Variants in RTL9 observed in about 807,000 individuals in gnomAD.
The protein encoded by RTL9 is retrotransposon Gag like 9, also known as retrotransposon Gag-like protein 9.
Under a neutral mutation model 44.7 loss-of-function variants are expected in RTL9, and 19 were observed. That is an observed-to-expected ratio of 0.42 (90% CI 0.30 to 0.62). RTL9 has a LOEUF of 0.62. Among genes scored for constraint, RTL9 ranks in the 20% least tolerant of loss-of-function variants. RTL9 has a pLI of 0.16. For missense variants in RTL9, 1,105 were observed against 1,080.6 expected, an observed-to-expected ratio of 1.02 and a Z score of -0.32; for synonymous variants, 407 against 398.9, an observed-to-expected ratio of 1.02 and a Z score of -0.24.
intron 1 of RTL9, among the ~76,000 whole-genome samples, chrX:110,359,188 T>C (rs764064866): frequency 3.2e-4 from 36 of 111,460 alleles, no homozygotes; most frequent in Admixed American, 3.0e-3. Flanking sequence ...GGCTGTGTTA[T>C]ACTGCTTCGC....
intron 1 of RTL9, among the ~76,000 whole-genome samples, chrX:110,380,308 T>C (rs182974783): frequency 9.0e-6 from 1 of 110,538 alleles, no homozygotes; most frequent in Non-Finnish European, 1.9e-5. Flanking sequence ...AACAATATAA[T>C]CAGAGAGCCA....
chrX:110,363,588 T>C (rs970428230), intron 1 of RTL9, among the ~76,000 whole-genome samples: 1 of 111,772 alleles, frequency 8.9e-6, no homozygotes, highest in African/African-American at 3.3e-5. Flanking sequence ...TACAAACAAG[T>C]TATTTGACCA....
At chrX:110,428,291 C>T (rs1288630276) in intron 1 of RTL9, among the ~76,000 whole-genome samples, 1 of 111,658 alleles carries the variant, frequency 9.0e-6, no homozygotes, top group African/African-American at 3.3e-5. Flanking sequence ...TGATCCTAGC[C>T]CTTAGCACAC....
At chrX:110,380,862 A>G (rs1397529762) in intron 1 of RTL9, among the ~76,000 whole-genome samples, 1 of 112,675 alleles carries the variant, frequency 8.9e-6, no homozygotes, top group African/African-American at 3.2e-5. Context: ...TTTCTATTCA[A>G]TAAATGGTGC....
chrX:110,439,526 T>A (rs1251207153), intron 1 of RTL9, among the ~76,000 whole-genome samples: 1 of 112,142 alleles, frequency 8.9e-6, no homozygotes, highest in Non-Finnish European at 1.9e-5. Flanking sequence ...GTGCTCACAA[T>A]AATAGCTGTG....
chrX:110,415,428 T>C (rs1411330264), upstream of RTL9, among the ~76,000 whole-genome samples: 1 of 112,024 alleles, frequency 8.9e-6, no homozygotes, highest in Non-Finnish European at 1.9e-5. Flanking sequence ...GATGCTTTTT[T>C]CCCCATTTTC....
At chrX:110,445,425 T>G in intron 2 of RTL9, among the ~76,000 whole-genome samples, 157 bp downstream of exon 2, 1 of 111,894 alleles carries the variant, frequency 8.9e-6, no homozygotes, top group Admixed American at 9.5e-5. Context: ...ACTCAGTAAA[T>G]GCTAGCTATT....
At chrX:110,430,586 T>A (rs1232670072) in intron 1 of RTL9, among the ~76,000 whole-genome samples, 1 of 111,450 alleles carries the variant, frequency 9.0e-6, no homozygotes, top group African/African-American at 3.3e-5. Context: ...ACAGAAGCAA[T>A]AGAGTGGAAA....
At chrX:110,452,142 G>A (rs753624399) in exon 1 of RTL9, 2 of 1,211,895 alleles carry the variant, frequency 1.7e-6, no homozygotes, top group Admixed American at 4.3e-5. Flanking sequence ...AACTTCTGGA[G>A]CAATGTCCAC....
chrX:110,391,904 T>G (rs1464908457), intron 1 of RTL9, among the ~76,000 whole-genome samples: 1 of 112,129 alleles, frequency 8.9e-6, no homozygotes, highest in African/African-American at 3.2e-5. Context: ...TGTCAAAGGC[T>G]TAAAAAAATG....
At chrX:110,441,321 C>T (rs1198845229) in intron 1 of RTL9, among the ~76,000 whole-genome samples, 3 of 111,938 alleles carry the variant, frequency 2.7e-5, no homozygotes, top group African/African-American at 9.8e-5. Flanking sequence ...TTCAAAGGTC[C>T]CTGATTGGTA....
intron 1 of RTL9, among the ~76,000 whole-genome samples, chrX:110,426,310 C>T (rs2068753863): frequency 9.0e-6 from 1 of 111,648 alleles, no homozygotes; most frequent in Non-Finnish European, 1.9e-5. Context: ...TCTTGTCGAA[C>T]CCTCCCACGA....
At chrX:110,380,362 TTAAA>T (rs1387370935) in intron 1 of RTL9, among the ~76,000 whole-genome samples, 1 of 110,953 alleles carries the variant, frequency 9.0e-6, no homozygotes, top group Non-Finnish European at 1.9e-5. Flanking sequence ...ACAAAAAAAA[TTAAA>T]TACCTAAGAA....
intron 1 of RTL9, among the ~76,000 whole-genome samples, chrX:110,411,704 C>A (rs1014847276): frequency 8.9e-6 from 1 of 112,238 alleles, no homozygotes; most frequent in African/African-American, 3.2e-5. Context: ...AGAAGGAAGA[C>A]AATGGTTTAT....
chrX:110,413,250 G>GT (rs1182053569), intron 1 of RTL9, among the ~76,000 whole-genome samples: 1 of 111,129 alleles, frequency 9.0e-6, no homozygotes, highest in African/African-American at 3.3e-5. Flanking sequence ...GAGCACTATT[G>GT]TCTACCTCCG....
At chrX:110,381,713 C>T (rs1279773192) in intron 1 of RTL9, among the ~76,000 whole-genome samples, 3 of 111,065 alleles carry the variant, frequency 2.7e-5, no homozygotes, top group African/African-American at 6.6e-5. Flanking sequence ...AAAATGTACA[C>T]GTACACCATG....
At chrX:110,452,637 A>G (rs763210769) in exon 1 of RTL9, 1 of 1,209,207 alleles carries the variant, frequency 8.3e-7, no homozygotes, top group Admixed American at 2.2e-5. Flanking sequence ...AATGAGAGAC[A>G]CAGCTTCTGG....
chrX:110,371,080 C>T (rs1025158162), intron 1 of RTL9, among the ~76,000 whole-genome samples: 2 of 110,850 alleles, frequency 1.8e-5, no homozygotes, highest in Admixed American at 9.6e-5. Context: ...CTACTTGCCC[C>T]TCAAGATCCA....
upstream of RTL9, among the ~76,000 whole-genome samples, chrX:110,417,546 A>T (rs2068686679): frequency 8.9e-6 from 1 of 111,770 alleles, no homozygotes; most frequent in East Asian, 2.8e-4. Context: ...ATGTCTTTGC[A>T]TCTTCCCAGC....
Sources: allele counts gnomAD v4.1 joint callset (sites outside exome capture counted in the v4.1 genomes callset), GRCh38; gene constraint gnomAD v4.1.1; transcripts MANE v1.5; gene names NCBI Gene and HGNC (gene_info 2026-07-23, HGNC 2026-07-21).